PCDHGB5: variants seen among roughly 807,000 people sequenced by gnomAD.
PCDHGB5 encodes the protein protocadherin gamma subfamily B, 5.
A neutral mutation model predicts 62.9 loss-of-function variants in PCDHGB5; 48 were observed. The ratio of observed to expected loss-of-function variants is 0.76; its 90% CI spans 0.61 to 0.97. The LOEUF is 0.97. Among genes scored for constraint, PCDHGB5 ranks in the 50% least tolerant of loss-of-function variants. The pLI is 0.00. For synonymous variants in PCDHGB5, 474 were observed against 511.2 expected (o/e 0.93, Z 0.98); for missense variants, 1,118 against 1,198.6 (o/e 0.93, Z 0.99).
rs1396618267 is a variant in PCDHGB5, at chr5:141,421,234, A to T, written c.2397+20710A>T. On this transcript the variant is annotated intron_variant, in intron 1 of 3. Coordinates refer to ENST00000617380, the MANE Select transcript of PCDHGB5 (RefSeq NM_018925.3). ...TATCGGCTTAGAGCCTGCCATGGCG[A>T]ATCGGCTACAGCGCGGGGACCGCAG... 7 of 1,593,656 alleles carry T rather than the reference A, an allele frequency of 4.4e-6. No homozygotes were observed. In the African/African-American group the frequency reaches 9.4e-5, roughly 21 times the overall value.
At chr5:141,408,192 C>A (rs2095055859) in intron 1 of PCDHGB5, 1 of 1,545,004 alleles carries the variant, frequency 6.5e-7, no homozygotes, top group South Asian at 1.2e-5. Flanking sequence ...CAGCGAGAAC[C>A]CGAGCGAACG....
At chr5:141,433,256 C>G (rs760130587) in intron 1 of PCDHGB5, 2 of 1,385,666 alleles carry the variant, frequency 1.4e-6, no homozygotes, top group Non-Finnish European at 2.0e-6. Context: ...TGCAGCGGTA[C>G]GATCATAGCT....
chr5:141,418,313 A>G (rs750036471), intron 1 of PCDHGB5: 2 of 1,614,038 alleles, frequency 1.2e-6, no homozygotes, highest in Middle Eastern at 1.6e-4. Context: ...GGGGATGGGA[A>G]CAATTCTTGA....
chr5:141,482,505 C>T (rs1183998287), intron 1 of PCDHGB5, among the ~76,000 whole-genome samples: 1 of 122,986 alleles, frequency 8.1e-6, no homozygotes, highest in African/African-American at 3.4e-5. Context: ...TTCTGGTACC[C>T]AGAGTACAGT....
Position 141,398,183 on chromosome 5 carries a change from T to C in PCDHGB5, c.56T>C (p.Leu19Pro). 1 of 1,477,856 alleles carries C rather than the reference T, an allele frequency of 6.8e-7. No individual in the cohort carries two copies. Among genetic ancestry groups the C allele is most frequent in the South Asian group, 1.4e-5 (1 of 72,314 alleles). 91.5% of individuals were successfully genotyped at this position (1,477,856 alleles called of 1,614,324 possible). The change falls in exon 1 of 4, where the codon CTC becomes CCC. Residue 19 changes from leucine to proline, a missense_variant. Physicochemically the swap from Leu to Pro is moderately conservative, Grantham distance 98. Coordinates refer to ENST00000617380, the MANE Select transcript of PCDHGB5 (RefSeq NM_018925.3). ...GRAERLPVLF[L>P]FLLSLFCPAL... Reference sequence around the variant, plus strand: ...GCTGAGAGGCTGCCAGTGCTCTTTCTCTTCCTGCTGTCTTTGTTCTGCCCG... The same window carrying C: ...GCTGAGAGGCTGCCAGTGCTCTTTCCCTTCCTGCTGTCTTTGTTCTGCCCG...
At chr5:141,425,860 A>G (rs1445251215) in intron 1 of PCDHGB5, among the ~76,000 whole-genome samples, 1 of 152,248 alleles carries the variant, frequency 6.6e-6, no homozygotes, top group Non-Finnish European at 1.5e-5. Context: ...TGACTGTTCT[A>G]TAGATTCCCA....
chr5:141,505,338 G>T, intron 2 of PCDHGB5, 55 bp from the exon 3 acceptor site: 1 of 1,612,254 alleles, frequency 6.2e-7, no homozygotes, highest in South Asian at 1.1e-5. Flanking sequence ...GGACAGGAGG[G>T]GCATGAGCTG....
intron 1 of PCDHGB5, chr5:141,403,162 T>C (rs745617954): frequency 9.3e-6 from 15 of 1,613,862 alleles, no homozygotes; most frequent in African/African-American, 2.7e-5. Flanking sequence ...TCTCTAGAGG[T>C]AGGACGCAGC....
chr5:141,404,551 G>C (rs764332245), intron 1 of PCDHGB5: 1 of 1,613,866 alleles, frequency 6.2e-7, no homozygotes, highest in Non-Finnish European at 8.5e-7. Flanking sequence ...TGCAGGTGAC[G>C]GCAAGTGACA....
intron 1 of PCDHGB5, among the ~76,000 whole-genome samples, chr5:141,458,227 G>T (rs2154566190): frequency 6.6e-6 from 1 of 152,284 alleles, no homozygotes; most frequent in South Asian, 2.1e-4. Context: ...TCCTTTCCCA[G>T]TCCATGCACC....
chr5:141,485,805 T>C lies in PCDHGB5; in HGVS notation c.2398-9002T>C, dbSNP rs753916789. ...GAGAAGCAATCGGACTACCGCCTGG[T>C]GCTGACTGCTGTCGATGGAGGGAAC... On this transcript the variant is annotated intron_variant, in intron 1 of 3. Coordinates refer to ENST00000617380, the MANE Select transcript of PCDHGB5 (RefSeq NM_018925.3). The surrounding 1 kb of genome is among the most constrained non-coding windows in gnomAD (Gnocchi z 5.7). 1.2e-6 allele frequency: 2 copies of C among 1,614,198 alleles called. No individual in the cohort carries two copies. The highest frequency in any genetic ancestry group is 1.7e-6 in the Non-Finnish European group (2 of 1,180,026).
At chr5:141,406,259 ATCT>A (rs1419106691) in intron 1 of PCDHGB5, among the ~76,000 whole-genome samples, 1 of 151,904 alleles carries the variant, frequency 6.6e-6, no homozygotes, top group East Asian at 1.9e-4. Flanking sequence ...GTCTCAAACG[ATCT>A]TCCTGCTTCA....
At chr5:141,495,446 C>A (rs1165861519) in intron 2 of PCDHGB5, among the ~76,000 whole-genome samples, 1 of 152,220 alleles carries the variant, frequency 6.6e-6, no homozygotes, top group African/African-American at 2.4e-5. Flanking sequence ...CCCTACTTGT[C>A]CTGCTCTCTG....
intron 1 of PCDHGB5, chr5:141,413,247 CGGGATTCCAT>C: frequency 6.2e-7 from 1 of 1,613,940 alleles, no homozygotes; most frequent in South Asian, 1.1e-5. Flanking sequence ...GCCTTTTCTT[CGGGATTCCAT>C]GGGAGGCTGG....
rs565813908 is a variant in PCDHGB5 at position 141,503,968 on chromosome 5, G to A, written c.2457-1425G>A. Among the ~76,000 whole-genome samples, 14 of 152,182 alleles carry A rather than the reference G, an allele frequency of 9.2e-5. No homozygotes were observed. The South Asian group carries it at 2.7e-3, about 29-fold the overall frequency. ...GGCCTACCCTACAGCCTTTCCCATG[G>A]TGCCAAACCCTTCTTCTTACCTTAC... On this transcript the variant is annotated intron_variant, in intron 2 of 3. Transcript: ENST00000617380.
At position 141,485,321 on chromosome 5, in the gene PCDHGB5, C is replaced by G. The variant is rs780179631; in HGVS notation, c.2398-9486C>G. The G allele has an allele frequency of 6.2e-7, 1 of 1,614,154 alleles. No homozygotes were observed. Among genetic ancestry groups the G allele is most frequent in the Non-Finnish European group, 8.5e-7 (1 of 1,180,024 alleles). On this transcript the variant is annotated intron_variant, in intron 1 of 3. Transcript: ENST00000617380. This position sits in a 1 kb window ranked among gnomAD's most constrained non-coding sequence, Gnocchi z 5.7. The stretch of plus-strand genomic sequence containing the variant: ...AGGGACTTTTGTAGGGAATGTCGCT[C>G]AAGATTTCCTGCTGGATACGGACAG...
chr5:141,448,394 T>A (rs1360417681), intron 1 of PCDHGB5, among the ~76,000 whole-genome samples: 2 of 152,206 alleles, frequency 1.3e-5, no homozygotes, highest in Admixed American at 6.5e-5. Context: ...TACATTTACA[T>A]GGTTTTAAAA....
At chr5:141,421,267 C>T in intron 1 of PCDHGB5, 1 of 1,611,374 alleles carries the variant, frequency 6.2e-7, no homozygotes, top group Non-Finnish European at 8.5e-7. Flanking sequence ...CAGTCGGCTG[C>T]TGCTGCTGCT....
At chr5:141,430,729 G>T in intron 1 of PCDHGB5, 1 of 1,499,360 alleles carries the variant, frequency 6.7e-7, no homozygotes, top group East Asian at 2.3e-5. Flanking sequence ...GTTAAGGGCA[G>T]AATTGAAAAT....
Sources: allele counts gnomAD v4.1 joint callset (sites outside exome capture counted in the v4.1 genomes callset), GRCh38; gene constraint gnomAD v4.1.1; non-coding constraint Gnocchi (gnomAD v3.1); transcripts MANE v1.5; gene names NCBI Gene and HGNC (gene_info 2026-07-23, HGNC 2026-07-21).